WDR49: variants seen among roughly 807,000 people sequenced by gnomAD.
WDR49 encodes WD repeat domain 49, also known as cilia- and flagella-associated protein 337.
A neutral mutation model predicts 119.5 loss-of-function variants in WDR49; 107 were observed. The observed-to-expected ratio is 0.90, with a 90% CI of 0.77 to 1.05. WDR49 has a LOEUF of 1.05. Among genes scored for constraint, WDR49 ranks in the 50% least tolerant of loss-of-function variants. WDR49 has a pLI of 0.00. For synonymous variants in WDR49, 425 were observed against 418.8 expected (o/e 1.01, Z -0.18); for missense variants, 1,240 against 1,220.5 (o/e 1.02, Z -0.24).
chr3:167,557,819 T>C (rs1001669759), intron 9 of WDR49, among the ~76,000 whole-genome samples: 5 of 151,822 alleles, frequency 3.3e-5, no homozygotes, highest in African/African-American at 9.7e-5. Flanking sequence ...GTGTGTGAAA[T>C]GCTCAGAATA....
At chr3:167,560,775 A>G (rs1345740452) in intron 8 of WDR49, among the ~76,000 whole-genome samples, 1 of 138,806 alleles carries the variant, frequency 7.2e-6, no homozygotes, top group African/African-American at 2.8e-5. Context: ...ACAATTATTG[A>G]TAGATTACTA....
chr3:167,629,560 A>G (rs1275772129), intron 2 of WDR49, among the ~76,000 whole-genome samples: 1 of 152,148 alleles, frequency 6.6e-6, no homozygotes, highest in Non-Finnish European at 1.5e-5. Context: ...TTTAAAAAAT[A>G]TCTTTTATAT....
At chr3:167,573,425 C>T (rs1365766123) in intron 8 of WDR49, among the ~76,000 whole-genome samples, 2 of 147,504 alleles carry the variant, frequency 1.4e-5, no homozygotes, top group Non-Finnish European at 3.0e-5. Context: ...CACACACACA[C>T]ACACAACACA....
rs1408550662 is a variant in WDR49, at chr3:167,653,915, T to C, written c.-156A>G. 2.0e-5 allele frequency: 3 copies of C among 153,348 alleles called. No homozygotes were observed. The highest frequency in any genetic ancestry group is 2.9e-5 in the Non-Finnish European group (2 of 68,846). The allele number at this position is 153,348 out of a possible 1,614,324, so 9.5% of individuals were successfully genotyped here. On this transcript the variant is annotated 5_prime_UTR_variant, in exon 1 of 19. Coordinates refer to ENST00000682715, the MANE Select transcript of WDR49 (RefSeq NM_001366157.1). ...AGATGACAAAGCTGCAGAGTTTCCC[T>C]ACCAATGAAGTACTTGACTCTGAAT... is the stretch of plus-strand genomic sequence containing the variant.
chr3:167,484,339 T>C (rs539654478), intron 18 of WDR49, among the ~76,000 whole-genome samples: 1 of 152,072 alleles, frequency 6.6e-6, no homozygotes, highest in Non-Finnish European at 1.5e-5. Flanking sequence ...GAGATATACC[T>C]AATGTAAATG....
intron 16 of WDR49, among the ~76,000 whole-genome samples, chr3:167,512,350 A>C (rs1752008742): frequency 6.6e-6 from 1 of 152,186 alleles, no homozygotes; most frequent in South Asian, 2.1e-4. Context: ...ACCCCCAGCA[A>C]ACTGCAGAAG....
At chr3:167,549,885 G>T (rs955937875) in intron 10 of WDR49, among the ~76,000 whole-genome samples, 5 of 152,078 alleles carry the variant, frequency 3.3e-5, no homozygotes, top group African/African-American at 1.2e-4. Context: ...GTGTAAGGAA[G>T]GGATCCAGTT....
chr3:167,599,934 G>T (rs897258753), intron 7 of WDR49, among the ~76,000 whole-genome samples: 12 of 152,100 alleles, frequency 7.9e-5, no homozygotes, highest in Admixed American at 3.3e-4. Context: ...AGAGCTCAAG[G>T]ACTCTTTAGT....
intron 11 of WDR49, among the ~76,000 whole-genome samples, chr3:167,533,227 A>G (rs888177705): frequency 2.0e-5 from 3 of 152,120 alleles, no homozygotes; most frequent in African/African-American, 7.2e-5. Flanking sequence ...TTTTATGGTA[A>G]TAAAGCATTC....
intron 18 of WDR49, among the ~76,000 whole-genome samples, chr3:167,486,885 T>A (rs1577190578): frequency 6.6e-6 from 1 of 152,122 alleles, no homozygotes; most frequent in Non-Finnish European, 1.5e-5. Context: ...TTGGACCTAA[T>A]TGACAACTAT....
At chr3:167,621,973 A>G (rs1716894859) in intron 3 of WDR49, among the ~76,000 whole-genome samples, 1 of 152,180 alleles carries the variant, frequency 6.6e-6, no homozygotes, top group African/African-American at 2.4e-5. Flanking sequence ...TGATACAATC[A>G]TACCAGAAAC....
In WDR49 at chr3:167,525,379, A is replaced by C. The variant is rs114283375; in HGVS notation, c.2604+2441T>G. ...AGAGACAATTTGACTTCCTCTCTGC[A>C]TATTTGAATACCCTTTATTTCTTTC... is the stretch of plus-strand genomic sequence containing the variant. On this transcript the variant is annotated intron_variant, in intron 15 of 18. Coordinates refer to ENST00000682715, the MANE Select transcript of WDR49 (RefSeq NM_001366157.1). Among the ~76,000 whole-genome samples, 1,186 of 152,160 alleles carry C rather than the reference A, an allele frequency of 7.8e-3. 7 individuals carry two copies. Among genetic ancestry groups the C allele is most frequent in the East Asian group, 0.03 (157 of 5,168 alleles).
Position 167,627,200 on chromosome 3 carries a change from A to T in WDR49, c.258T>A (p.Tyr86Ter). The T allele has an allele frequency of 8.0e-7, 1 of 1,254,484 alleles. No individual in the cohort carries two copies. The highest frequency in any genetic ancestry group is 1.0e-6 in the Non-Finnish European group (1 of 1,000,634). The allele number at this position is 1,254,484 out of a possible 1,614,324, so 77.7% of individuals were successfully genotyped here. ...CATCCACTTTGTCAAAGAGCTCCCC[A>T]TATTCTTCCTTCGTGCCCCAACCAA... ...EIVGWGTKEEYGELFDKVDVA... is the reference protein window; with the variant it reads ...EIVGWGTKEE The change falls in exon 3 of 19, where the codon TAT becomes TAA. Residue 86 changes from tyrosine (Y) to a stop codon, truncating the protein, a stop_gained. Transcript: ENST00000682715. LOFTEE classifies it high-confidence loss of function.
intron 3 of WDR49, among the ~76,000 whole-genome samples, chr3:167,622,810 T>C (rs1705822720): frequency 6.6e-6 from 1 of 152,240 alleles, no homozygotes; most frequent in East Asian, 1.9e-4. Context: ...GTAGACCATA[T>C]ATTAGGTGAT....
intron 5 of WDR49, among the ~76,000 whole-genome samples, chr3:167,613,990 T>C (rs1716476647): frequency 1.3e-5 from 2 of 152,020 alleles, no homozygotes; most frequent in Non-Finnish European, 2.9e-5. Flanking sequence ...CAAACTGTTT[T>C]GTATCTTCTT....
chr3:167,569,142 C>T (rs1713781239), intron 8 of WDR49, among the ~76,000 whole-genome samples: 1 of 152,088 alleles, frequency 6.6e-6, no homozygotes, highest in African/African-American at 2.4e-5. Context: ...TGGGGTTTTA[C>T]CATGTTGGCC....
At chr3:167,501,346 T>G (rs1751557309) in intron 17 of WDR49, among the ~76,000 whole-genome samples, 1 of 152,178 alleles carries the variant, frequency 6.6e-6, no homozygotes, top group African/African-American at 2.4e-5. Flanking sequence ...ATCATGGACT[T>G]AAGTTGAAAT....
intron 5 of WDR49, among the ~76,000 whole-genome samples, chr3:167,607,124 A>C (rs1716098960): frequency 6.6e-6 from 1 of 152,122 alleles, no homozygotes. Flanking sequence ...GGGTAGGACC[A>C]CTCTAGAATG....
chr3:167,535,285 T>C (rs1371655197), intron 11 of WDR49, among the ~76,000 whole-genome samples: 4 of 151,878 alleles, frequency 2.6e-5, no homozygotes, highest in Admixed American at 1.3e-4. Flanking sequence ...AAGGAAACCA[T>C]CAACAAAGCA....
Sources: allele counts gnomAD v4.1 joint callset (sites outside exome capture counted in the v4.1 genomes callset), GRCh38; gene constraint gnomAD v4.1.1; transcripts MANE v1.5; gene names NCBI Gene and HGNC (gene_info 2026-07-23, HGNC 2026-07-21).